Variants in ANKRD11 observed in about 807,000 individuals in gnomAD.
ANKRD11 encodes the protein ankyrin repeat domain 11, also known as ankyrin repeat domain-containing protein 11.
ANKRD11 carries 17 observed loss-of-function variants against 195.7 expected under a neutral mutation model. The observed-to-expected ratio is 0.09, with a 90% CI of 0.06 to 0.13. ANKRD11 has a LOEUF of 0.13. Ranked by LOEUF, ANKRD11 falls within the 10% of genes least tolerant of loss-of-function variation. ANKRD11 has a pLI of 1.00. For synonymous variants in ANKRD11, 1,953 were observed against 1,528.1 expected, an observed-to-expected ratio of 1.28 and a Z score of -6.49; for missense variants, 3,735 against 3,566.1, an observed-to-expected ratio of 1.05 and a Z score of -1.21.
At position 89,320,913 on chromosome 16, in the gene ANKRD11, G is replaced by A. The variant is rs149969108; in HGVS notation, c.-59-3835C>T. 5.8e-3 allele frequency among the ~76,000 whole-genome samples: 887 copies of A among 152,326 alleles called. 5 individuals carry two copies. Among genetic ancestry groups the A allele is most frequent in the African/African-American group, 0.02 (840 of 41,564 alleles). ...GGGGCTCAAAAGACAATCCTTCTAC[G>A]GGGCTGGCAGGACAGACGTGACAGG... On this transcript the variant is annotated intron_variant, in intron 2 of 12. Coordinates refer to ENST00000301030, the MANE Select transcript of ANKRD11 (RefSeq NM_013275.6).
Position 89,283,276 on chromosome 16 carries a change from T to G in ANKRD11, c.3266A>C (p.Lys1089Thr), listed in dbSNP as rs770286544. 1.9e-6 allele frequency: 3 copies of G among 1,614,184 alleles called. No individual in the cohort carries two copies. The highest frequency in any genetic ancestry group is 1.1e-5 in the South Asian group (1 of 91,084). The change falls in exon 9 of 13, where the codon AAG becomes ACG. Residue 1089 changes from lysine (K) to threonine (T), a missense_variant. Lys to Thr is a moderately conservative substitution (Grantham distance 78). Transcript: ENST00000301030. This position sits in a 1 kb window ranked among gnomAD's most constrained non-coding sequence, Gnocchi z 4.3. ...TTCTGAGATGATCCCAGGGAAAGCC[T>G]TCTCCTTCTTCTCTTTCCCTTGGTC... ...SLDQGKEKKE[K>T]AFPGIISEDF...
chr16:89,327,741 A>C (rs1193479439), intron 2 of ANKRD11, among the ~76,000 whole-genome samples: 7 of 152,236 alleles, frequency 4.6e-5, no homozygotes, highest in Non-Finnish European at 8.8e-5. Flanking sequence ...CCAAATAAAA[A>C]TAAATGCTTA....
At chr16:89,387,446 G>T (rs1321896472) in intron 2 of ANKRD11, among the ~76,000 whole-genome samples, 1 of 151,910 alleles carries the variant, frequency 6.6e-6, no homozygotes, top group Non-Finnish European at 1.5e-5. Context: ...GCTGAGGCGG[G>T]CAGATCACGA....
Position 89,284,159 on chromosome 16 carries a change from A to T in ANKRD11, c.2383T>A (p.Phe795Ile), listed in dbSNP as rs770628765. 1.9e-6 allele frequency: 3 copies of T among 1,604,540 alleles called. No homozygotes were observed. The highest frequency in any genetic ancestry group is 2.5e-6 in the Non-Finnish European group (3 of 1,177,304). The change falls in exon 9 of 13, where the codon TTT (phenylalanine) becomes ATT (isoleucine). Residue 795 changes from phenylalanine to isoleucine, a missense_variant. Transcript: ENST00000301030. ...DKISKEKEKI[F>I]KEDKEKLKKE... ...TTGAGTTTTTCTTTATCTTCTTTAAAAATCTTCTCCTTCTCTTTTGAAATT... is the reference window on the plus strand; with the variant it reads ...TTGAGTTTTTCTTTATCTTCTTTAATAATCTTCTCCTTCTCTTTTGAAATT...
intron 1 of ANKRD11, among the ~76,000 whole-genome samples, chr16:89,421,973 C>G (rs2152243758): frequency 6.6e-6 from 1 of 152,284 alleles, no homozygotes; most frequent in Non-Finnish European, 1.5e-5. Flanking sequence ...TACACGCATT[C>G]TGTGTTAGGA....
At position 89,283,152 on chromosome 16, in the gene ANKRD11, G is replaced by A. The variant is rs2034403733; in HGVS notation, c.3390C>T (p.Cys1130=). 6.2e-7 allele frequency: 1 copy of A among 1,613,820 alleles called. No homozygotes were observed. The highest frequency in any genetic ancestry group is 1.3e-5 in the African/African-American group (1 of 74,892). ...CTCCCATCTTGAACCCGCTCCCCAT[G>A]CAGCTGTCTCTGTCGTCCTCACTCT... ...TDESEDDRDS[C]MGSGFKMGEA... Residue 1130 remains cysteine, a synonymous_variant, in exon 9 of 13, where the codon TGC becomes TGT. Transcript: ENST00000301030. This position sits in a 1 kb window ranked among gnomAD's most constrained non-coding sequence, Gnocchi z 4.3.
rs2032764958 is a variant in ANKRD11 at position 89,267,900 on chromosome 16, C to CATT, written c.*575_*577dup. 1 of 156,506 alleles carries CATT rather than the reference C, an allele frequency of 6.4e-6. No homozygotes were observed. The highest frequency in any genetic ancestry group is 1.4e-5 in the Non-Finnish European group (1 of 70,618). 9.7% of individuals were successfully genotyped at this position (156,506 alleles called of 1,614,324 possible). On this transcript the variant is annotated 3_prime_UTR_variant, in exon 13 of 13. Coordinates refer to ENST00000301030, the MANE Select transcript of ANKRD11 (RefSeq NM_013275.6). ...GATACAAACCACGCGGATTTGACTC[C>CATT]ATTTCAATACGGCTGGGAGTCCTGG...
intron 2 of ANKRD11, among the ~76,000 whole-genome samples, chr16:89,344,175 C>G (rs1286540108): frequency 1.3e-5 from 2 of 152,190 alleles, no homozygotes; most frequent in African/African-American, 4.8e-5. Context: ...AACCCTGGCT[C>G]AGGACAGATT....
rs147744268 is a variant in ANKRD11, at chr16:89,285,515, C to G, written c.1027G>C (p.Val343Leu). ...TCATCAAACTCATACTCGTCCTTGACGGGGGCCGTGGCCTTCTGTGGCTCT... is the reference window on the plus strand; with the variant it reads ...TCATCAAACTCATACTCGTCCTTGAGGGGGGCCGTGGCCTTCTGTGGCTCT... ...NPEPQKATAP[V>L]KDEYEFDEDD... Residue 343 changes from valine to leucine, a missense_variant, in exon 9 of 13, where the codon GTC becomes CTC. Coordinates refer to ENST00000301030, the MANE Select transcript of ANKRD11 (RefSeq NM_013275.6). The surrounding 1 kb of genome is among the most constrained non-coding windows in gnomAD (Gnocchi z 5.6). The G allele has an allele frequency of 2.5e-6, 4 of 1,614,060 alleles. No homozygotes were observed. The highest frequency in any genetic ancestry group is 3.4e-6 in the Non-Finnish European group (4 of 1,179,956).
chr16:89,394,076 T>C (rs1470975778), intron 2 of ANKRD11, among the ~76,000 whole-genome samples: 4 of 152,108 alleles, frequency 2.6e-5, no homozygotes, highest in Non-Finnish European at 5.9e-5. Flanking sequence ...CCCGCCTCCC[T>C]AGCCCTCCTG....
chr16:89,365,294 T>C lies in ANKRD11; in HGVS notation c.-59-48216A>G, dbSNP rs185781929. Among the ~76,000 whole-genome samples the C allele has an allele frequency of 1.9e-3, 295 of 152,320 alleles. 1 individual carries two copies. The highest frequency in any genetic ancestry group is 6.4e-3 in the African/African-American group (268 of 41,562). ...CATCTTATCACGTAGTCTAAACCCT[T>C]GTGTCATCACCTCCTGACGTTTCCA... is the stretch of plus-strand genomic sequence containing the variant. On this transcript the variant is annotated intron_variant, in intron 2 of 12. Coordinates refer to ENST00000301030, the MANE Select transcript of ANKRD11 (RefSeq NM_013275.6).
At chr16:89,410,068 T>G (rs1447005320) in intron 2 of ANKRD11, among the ~76,000 whole-genome samples, 1 of 152,204 alleles carries the variant, frequency 6.6e-6, no homozygotes, top group African/African-American at 2.4e-5. Context: ...CTCGATCTCC[T>G]GACCTCGTGA....
intron 2 of ANKRD11, among the ~76,000 whole-genome samples, chr16:89,366,622 A>G (rs2039962123): frequency 6.6e-6 from 1 of 152,186 alleles, no homozygotes; most frequent in Non-Finnish European, 1.5e-5. Flanking sequence ...AAAGGCTGCC[A>G]TCTTGCCTTG....
chr16:89,407,116 G>A lies in ANKRD11; in HGVS notation c.-60+11168C>T, dbSNP rs191999978. ...CTGGTGAAGCCCAGGTACTCGGGAG[G>A]CGGAGGAGGCGGTGAGTTGAGACGT... is the stretch of plus-strand genomic sequence containing the variant. On this transcript the variant is annotated intron_variant, in intron 2 of 12. Transcript: ENST00000301030. Among the ~76,000 whole-genome samples the A allele has an allele frequency of 3.8e-3, 571 of 152,172 alleles. 10 individuals are homozygous for A. The highest frequency in any genetic ancestry group is 0.028 in the Admixed American group (423 of 15,280).
chr16:89,435,687 A>G (rs1043923531), intron 1 of ANKRD11, among the ~76,000 whole-genome samples: 11 of 151,964 alleles, frequency 7.2e-5, no homozygotes, highest in African/African-American at 2.2e-4. Context: ...CCAATTCCAG[A>G]CACATTCACA....
At chr16:89,313,738 C>A in intron 3 of ANKRD11, 3 of 516,538 alleles carry the variant, frequency 5.8e-6, no homozygotes, top group South Asian at 1.8e-5. Flanking sequence ...GGGCTCACTT[C>A]CTCCCTAAGG....
At chr16:89,476,281 T>G (rs2057254629) in intron 1 of ANKRD11, among the ~76,000 whole-genome samples, 1 of 152,142 alleles carries the variant, frequency 6.6e-6, no homozygotes, top group South Asian at 2.1e-4. Context: ...CTGTGACTTG[T>G]CACAGCCTTA....
intron 1 of ANKRD11, among the ~76,000 whole-genome samples, chr16:89,430,976 C>G (rs926846327): frequency 6.6e-6 from 1 of 151,990 alleles, no homozygotes. Context: ...GAAACAGAAA[C>G]GGCCACTCCA....
At chr16:89,307,580 G>A (rs1203186226) in intron 3 of ANKRD11, among the ~76,000 whole-genome samples, 1 of 152,106 alleles carries the variant, frequency 6.6e-6, no homozygotes, top group African/African-American at 2.4e-5. Flanking sequence ...CAGCAGTGCA[G>A]GTCCCTCCCG....
Sources: gnomAD v4.1 joint callset for allele counts (sites outside exome capture counted in the v4.1 genomes callset) on GRCh38, gnomAD v4.1.1 for gene constraint, Gnocchi (gnomAD v3.1) non-coding constraint, MANE v1.5 for transcripts, NCBI Gene and HGNC (gene_info 2026-07-23, HGNC 2026-07-21) for gene names.